Variants in FAM171A1 observed in about 807,000 individuals in gnomAD.
The protein encoded by FAM171A1 is protein FAM171A1.
Under a neutral mutation model 74.9 loss-of-function variants are expected in FAM171A1, and 23 were observed. The ratio of observed to expected loss-of-function variants is 0.31; its 90% confidence interval spans 0.22 to 0.44. FAM171A1 has a LOEUF of 0.44. Ranked by LOEUF, FAM171A1 falls within the 20% of genes least tolerant of loss-of-function variation. The probability of loss-of-function intolerance (pLI) is 1.00; values close to 1 mark genes in which losing one functional copy is unlikely to be tolerated. For missense variants in FAM171A1, 1,162 were observed against 1,159.2 expected, an observed-to-expected ratio of 1.00 and a Z score of -0.03; for synonymous variants, 527 against 505.7, an observed-to-expected ratio of 1.04 and a Z score of -0.57.
intron 1 of FAM171A1, among the ~76,000 whole-genome samples, chr10:15,303,865 C>A (rs556993041): frequency 2.4e-4 from 37 of 152,290 alleles, no homozygotes; most frequent in African/African-American, 8.9e-4. Flanking sequence ...GGAATACAAG[C>A]GTGGGCAGAA....
At chr10:15,335,724 C>T (rs935907880) in intron 1 of FAM171A1, among the ~76,000 whole-genome samples, 4 of 152,256 alleles carry the variant, frequency 2.6e-5, no homozygotes, top group South Asian at 2.1e-4. Context: ...ATTCTTTGTG[C>T]GTTAGGTTCA....
At chr10:15,270,549 T>C (rs151300552) in intron 3 of FAM171A1, among the ~76,000 whole-genome samples, 6 of 152,122 alleles carry the variant, frequency 3.9e-5, no homozygotes, top group African/African-American at 1.4e-4. Flanking sequence ...AGCACAGAGT[T>C]TGAGATCTGA....
intron 1 of FAM171A1, among the ~76,000 whole-genome samples, chr10:15,349,779 C>T (rs957130527): frequency 2.6e-5 from 4 of 152,134 alleles, no homozygotes; most frequent in African/African-American, 9.7e-5. Context: ...TTTCTGTACC[C>T]TTTTGGTTGC....
At chr10:15,286,131 A>G (rs1835032834) in intron 1 of FAM171A1, among the ~76,000 whole-genome samples, 1 of 152,130 alleles carries the variant, frequency 6.6e-6, no homozygotes, top group Non-Finnish European at 1.5e-5. Flanking sequence ...AGCTACTGCA[A>G]TTGTGTCATT....
At chr10:15,295,348 C>T (rs1835149344) in intron 1 of FAM171A1, among the ~76,000 whole-genome samples, 1 of 152,206 alleles carries the variant, frequency 6.6e-6, no homozygotes, top group Non-Finnish European at 1.5e-5. Context: ...AATTCCAAAA[C>T]ATGTACTATT....
chr10:15,266,866 C>CAA (rs1156974565), intron 3 of FAM171A1, among the ~76,000 whole-genome samples: 17 of 55,170 alleles, frequency 3.1e-4, no homozygotes, highest in East Asian at 1.4e-3. Context: ...GAGACTGTTT[C>CAA]AAAAAAAAAA....
At chr10:15,291,919 T>C (rs1034980790) in intron 1 of FAM171A1, among the ~76,000 whole-genome samples, 2 of 152,212 alleles carry the variant, frequency 1.3e-5, no homozygotes, top group Admixed American at 1.3e-4. Context: ...ACTGTCACTC[T>C]TTTTTAAAAA....
intron 3 of FAM171A1, among the ~76,000 whole-genome samples, chr10:15,268,068 G>A (rs987449349): frequency 5.3e-5 from 8 of 152,168 alleles, no homozygotes; most frequent in East Asian, 1.9e-4. Context: ...GCAGGCAGCC[G>A]GCTGTGTGGG....
intron 6 of FAM171A1, among the ~76,000 whole-genome samples, chr10:15,219,473 TC>T (rs1454034426): frequency 2.0e-5 from 3 of 152,214 alleles, no homozygotes; most frequent in African/African-American, 7.2e-5. Context: ...TTCCTTTGTT[TC>T]TCTTCAGTCA....
At chr10:15,245,620 C>T (rs564740319) in intron 5 of FAM171A1, among the ~76,000 whole-genome samples, 1 of 152,370 alleles carries the variant, frequency 6.6e-6, no homozygotes, top group Non-Finnish European at 1.5e-5. Context: ...ATCAGAAAGG[C>T]TAAGTAACTT....
chr10:15,261,809 C>T (rs528627174), intron 3 of FAM171A1, among the ~76,000 whole-genome samples: 1 of 152,100 alleles, frequency 6.6e-6, no homozygotes, highest in Admixed American at 6.5e-5. Flanking sequence ...TTAGGAAGGA[C>T]TTGGTAAGTC....
intron 1 of FAM171A1, among the ~76,000 whole-genome samples, chr10:15,346,847 T>C (rs1181358400): frequency 1.3e-5 from 2 of 152,092 alleles, no homozygotes; most frequent in Non-Finnish European, 2.9e-5. Context: ...CAGCTGAGAA[T>C]CTCCAGGGAG....
intron 5 of FAM171A1, among the ~76,000 whole-genome samples, chr10:15,226,798 T>A (rs757248870): frequency 6.6e-6 from 1 of 151,914 alleles, no homozygotes; most frequent in African/African-American, 2.4e-5. Context: ...CCTACCCTCA[T>A]GTTTATTTCC....
At chr10:15,331,507 C>T (rs1835630736) in intron 1 of FAM171A1, among the ~76,000 whole-genome samples, 1 of 152,022 alleles carries the variant, frequency 6.6e-6, no homozygotes, top group Non-Finnish European at 1.5e-5. Context: ...GTTTCTGAGA[C>T]CTTATACAAG....
chr10:15,322,469 C>CTGAA (rs1835498097), intron 1 of FAM171A1, among the ~76,000 whole-genome samples: 1 of 152,210 alleles, frequency 6.6e-6, no homozygotes, highest in Admixed American at 6.5e-5. Flanking sequence ...TTTCCCTCAC[C>CTGAA]TGAACTGTAG....
In FAM171A1 at chr10:15,213,404, T is replaced by C; in HGVS notation, c.2184A>G (p.Gln728=). 1 of 1,614,152 alleles carries C rather than the reference T, an allele frequency of 6.2e-7. No individual in the cohort carries two copies. The highest frequency in any genetic ancestry group is 8.5e-7 in the Non-Finnish European group (1 of 1,180,030). ...CATTACTTCCGTTCCTTCCAGCTCT[T>C]TGGAGATCAATGTATGAATGTCTAA... ...AHVRHSYIDL[Q]RAGRNGSNDA... is the part of the protein sequence containing the mutation. The change falls in exon 8 of 8, where the codon CAA becomes CAG. Residue 728 remains glutamine, a synonymous_variant. Transcript: ENST00000378116. The surrounding 1 kb of genome is among the most constrained non-coding windows in gnomAD (Gnocchi z 6.8).
intron 2 of FAM171A1, among the ~76,000 whole-genome samples, chr10:15,281,317 C>T (rs930050644): frequency 2.0e-5 from 3 of 152,160 alleles, no homozygotes; most frequent in African/African-American, 7.2e-5. Flanking sequence ...TTATAGTGGA[C>T]TAATACAGAG....
chr10:15,328,269 C>G (rs1301983554), intron 1 of FAM171A1, among the ~76,000 whole-genome samples: 1 of 152,180 alleles, frequency 6.6e-6, no homozygotes, highest in Non-Finnish European at 1.5e-5. Context: ...CTCAGCCTCT[C>G]CAGTAGCTGG....
chr10:15,254,947 G>C, intron 3 of FAM171A1, 68 bp from the exon 4 acceptor site: 1 of 1,504,174 alleles, frequency 6.6e-7, no homozygotes. Flanking sequence ...TGCAAAACCA[G>C]GAAGTGCCTC....
Sources: gnomAD v4.1 joint callset for allele counts (sites outside exome capture counted in the v4.1 genomes callset) on GRCh38, gnomAD v4.1.1 for gene constraint, Gnocchi (gnomAD v3.1) non-coding constraint, MANE v1.5 for transcripts, NCBI Gene and HGNC (gene_info 2026-07-23, HGNC 2026-07-21) for gene names.